LRP1B: variants seen among roughly 807,000 people sequenced by gnomAD.
LRP1B encodes the protein LDL receptor related protein 1B, also known as low-density lipoprotein receptor-related protein 1B.
A neutral mutation model predicts 556.6 loss-of-function variants in LRP1B; 217 were observed. The ratio of observed to expected loss-of-function variants is 0.39; its 90% CI spans 0.35 to 0.44. The LOEUF (loss-of-function observed/expected upper bound fraction) is 0.44, where lower values mean the gene tolerates loss of function less well. Among genes scored for constraint, LRP1B ranks in the 20% least tolerant of loss-of-function variants. LRP1B has a pLI of 1.00. For missense variants in LRP1B, 5,053 were observed against 5,620.8 expected, an observed-to-expected ratio of 0.90 and a Z score of 3.23; for synonymous variants, 2,047 against 1,865.8, an observed-to-expected ratio of 1.10 and a Z score of -2.50.
intron 1 of LRP1B, among the ~76,000 whole-genome samples, chr2:142,037,092 C>G (rs1036440757): frequency 6.6e-6 from 1 of 151,552 alleles, no homozygotes; most frequent in Non-Finnish European, 1.5e-5. Flanking sequence ...TCTTTATTCA[C>G]GTTCATAAAT....
chr2:140,318,803 T>G (rs1185603898), intron 82 of LRP1B, among the ~76,000 whole-genome samples: 2 of 152,154 alleles, frequency 1.3e-5, no homozygotes, highest in Admixed American at 6.6e-5. Flanking sequence ...TGCTTCCATT[T>G]TATCTGTAAA....
intron 2 of LRP1B, among the ~76,000 whole-genome samples, chr2:141,729,962 G>C (rs544194149): frequency 6.6e-6 from 1 of 152,274 alleles, no homozygotes; most frequent in South Asian, 2.1e-4. Context: ...GAAAGGTCTG[G>C]TTGAGAGTGT....
Position 140,544,575 on chromosome 2 carries a change from T to C in LRP1B, c.7195-2604A>G, listed in dbSNP as rs183611639. ...AATTATAAGTGAGAACATGTGATAATTGGTTTTCTGTTTCTGCATTAGTTT... is the reference window on the plus strand; with the variant it reads ...AATTATAAGTGAGAACATGTGATAACTGGTTTTCTGTTTCTGCATTAGTTT... On this transcript the variant is annotated intron_variant, in intron 43 of 90. Coordinates refer to ENST00000389484, the MANE Select transcript of LRP1B (RefSeq NM_018557.3). 1.7e-3 allele frequency among the ~76,000 whole-genome samples: 260 copies of C among 152,258 alleles called. 1 individual carries two copies. Among genetic ancestry groups the C allele is most frequent in the African/African-American group, 6.0e-3 (249 of 41,562 alleles).
chr2:140,550,502 C>G (rs1338930200), intron 43 of LRP1B, among the ~76,000 whole-genome samples: 1 of 152,116 alleles, frequency 6.6e-6, no homozygotes, highest in Non-Finnish European at 1.5e-5. Context: ...TACAAAATGA[C>G]AAGAGAGTTC....
intron 2 of LRP1B, among the ~76,000 whole-genome samples, chr2:141,555,585 G>A (rs973068315): frequency 1.3e-5 from 2 of 151,854 alleles, no homozygotes; most frequent in African/African-American, 4.8e-5. Context: ...TTTTTAAAAT[G>A]TCATCTTGCC....
chr2:141,699,263 G>T (rs573406995), intron 2 of LRP1B, among the ~76,000 whole-genome samples: 1 of 151,906 alleles, frequency 6.6e-6, no homozygotes, highest in Non-Finnish European at 1.5e-5. Context: ...AGTGTTTTAA[G>T]TTCCCCAGGT....
rs1689227157 is a variant in LRP1B at position 140,769,382 on chromosome 2, C to T, written c.5627-38G>A. 7 of 1,530,000 alleles carry T rather than the reference C, an allele frequency of 4.6e-6. No individual in the cohort carries two copies. The African/African-American group carries it at 7.0e-5, about 15-fold the overall frequency. 94.8% of individuals were successfully genotyped at this position (1,530,000 alleles called of 1,614,324 possible). A position where few individuals can be genotyped will look rare whatever the true frequency, so the allele number is the denominator to read the frequency against. On this transcript the variant is annotated intron_variant, in intron 34 of 90. Transcript: ENST00000389484. Reference sequence around the variant, plus strand: ...CCGGAGATAAGGGGGGGAAGGGAAGCCCAGAATGAATATTTAAAATACAAA... The same window carrying T: ...CCGGAGATAAGGGGGGGAAGGGAAGTCCAGAATGAATATTTAAAATACAAA...
intron 86 of LRP1B, among the ~76,000 whole-genome samples, chr2:140,252,552 G>A (rs1203950499): frequency 6.6e-6 from 1 of 151,884 alleles, no homozygotes; most frequent in Non-Finnish European, 1.5e-5. Context: ...AGATGACAAT[G>A]CCATGATCCT....
chr2:140,831,947 G>A (rs775051822), intron 31 of LRP1B, among the ~76,000 whole-genome samples: 1 of 152,096 alleles, frequency 6.6e-6, no homozygotes, highest in African/African-American at 2.4e-5. Flanking sequence ...TCAGGGTAAT[G>A]TCACACAAAA....
rs370231154 is a variant in LRP1B at position 141,692,548 on chromosome 2, T to C, written c.205+117731A>G. Among the ~76,000 whole-genome samples, 4 of 152,134 alleles carry C rather than the reference T, an allele frequency of 2.6e-5. No individual in the cohort carries two copies. The East Asian group carries it at 7.8e-4, about 30-fold the overall frequency. On this transcript the variant is annotated intron_variant, in intron 2 of 90. Transcript: ENST00000389484. ...CTTCATCCAGGGACTGGCTTACCTT[T>C]TTAGCCTAAGGGCTTCCATTGCCCC...
At chr2:140,670,549 A>G (rs1173821379) in intron 41 of LRP1B, among the ~76,000 whole-genome samples, 2 of 152,172 alleles carry the variant, frequency 1.3e-5, no homozygotes, top group African/African-American at 4.8e-5. Context: ...TCCTCTTTAT[A>G]CTTTAGAAGG....
At chr2:142,116,370 C>G (rs1707277361) in intron 1 of LRP1B, among the ~76,000 whole-genome samples, 1 of 151,894 alleles carries the variant, frequency 6.6e-6, no homozygotes, top group Admixed American at 6.6e-5. Context: ...AAACATCAGA[C>G]AAAGCCAAAT....
intron 2 of LRP1B, among the ~76,000 whole-genome samples, chr2:141,530,435 A>T (rs1684830159): frequency 6.6e-6 from 1 of 152,084 alleles, no homozygotes; most frequent in Non-Finnish European, 1.5e-5. Flanking sequence ...TAGTCTTGTC[A>T]ATTGCTTACT....
At chr2:142,085,519 T>C (rs1198839573) in intron 1 of LRP1B, among the ~76,000 whole-genome samples, 2 of 152,198 alleles carry the variant, frequency 1.3e-5, no homozygotes, top group African/African-American at 4.8e-5. Context: ...GATTATTATA[T>C]ACAAACTTAA....
chr2:142,070,461 C>T (rs1705269106), intron 1 of LRP1B, among the ~76,000 whole-genome samples: 1 of 151,824 alleles, frequency 6.6e-6, no homozygotes, highest in African/African-American at 2.4e-5. Flanking sequence ...GTCTTTCCTT[C>T]TCTCCAACTG....
chr2:140,673,944 CTTTT>C (rs150017745), intron 41 of LRP1B, among the ~76,000 whole-genome samples: 8,263 of 140,864 alleles, frequency 0.059, 279 homozygotes, highest in East Asian at 0.15. Flanking sequence ...TTTCTTTTTT[CTTTT>C]TTTTTTTTTT....
chr2:140,812,973 A>G (rs1358822125), intron 32 of LRP1B, among the ~76,000 whole-genome samples: 2 of 152,092 alleles, frequency 1.3e-5, no homozygotes, highest in Admixed American at 6.6e-5. Context: ...CACTCTTAAC[A>G]TCTTTTGAAA....
In LRP1B at chr2:140,301,883, GTGTA is replaced by G. The variant is rs530984963; in HGVS notation, c.12806-3918_12806-3915del. ...TATATATGCAATAGTGTGCATGTATGTGTATGTGTGTGTATATATACACATATAC... is the reference window on the plus strand; with the variant it reads ...TATATATGCAATAGTGTGCATGTATGTGTGTGTGTATATATACACATATAC... On this transcript the variant is annotated intron_variant, in intron 83 of 90. Coordinates refer to ENST00000389484, the MANE Select transcript of LRP1B (RefSeq NM_018557.3). Among the ~76,000 whole-genome samples, 35 of 151,658 alleles carry G rather than the reference GTGTA, an allele frequency of 2.3e-4. No individual in the cohort carries two copies. In the South Asian group the frequency reaches 3.3e-3, roughly 14 times the overall value.
At chr2:140,753,914 T>C (rs1434502123) in intron 35 of LRP1B, among the ~76,000 whole-genome samples, 3 of 152,094 alleles carry the variant, frequency 2.0e-5, no homozygotes, top group Non-Finnish European at 4.4e-5. Flanking sequence ...CCTGTACTCA[T>C]AGGGGGAAGA....
Sources: allele counts gnomAD v4.1 joint callset (sites outside exome capture counted in the v4.1 genomes callset), GRCh38; gene constraint gnomAD v4.1.1; transcripts MANE v1.5; gene names NCBI Gene and HGNC (gene_info 2026-07-23, HGNC 2026-07-21).